Variants in ADGRD2 observed in about 807,000 individuals in gnomAD.
ADGRD2 encodes the protein adhesion G protein-coupled receptor D2.
A neutral mutation model predicts 44.4 loss-of-function variants in ADGRD2; 71 were observed. The ratio of observed to expected loss-of-function variants is 1.60; its 90% CI spans 1.32 to 1.95. The LOEUF is 1.95. Among genes scored for constraint, ADGRD2 ranks in the 30% most tolerant of loss-of-function variants. The pLI is 0.00. For missense variants in ADGRD2, 1,039 were observed against 512.4 expected, an observed-to-expected ratio of 2.03 and a Z score of -9.92; for synonymous variants, 481 against 224.8, an observed-to-expected ratio of 2.14 and a Z score of -10.19.
chr9:124,455,522 G>A (rs1485443642), intron 6 of ADGRD2, among the ~76,000 whole-genome samples: 4 of 151,978 alleles, frequency 2.6e-5, no homozygotes, highest in African/African-American at 7.3e-5. Flanking sequence ...CCCAGGGGGC[G>A]GAGGTTGCAG....
intron 10 of ADGRD2, among the ~76,000 whole-genome samples, chr9:124,459,310 G>A (rs369642403): frequency 3.9e-5 from 6 of 152,220 alleles, no homozygotes; most frequent in African/African-American, 1.4e-4. Context: ...TGGTCAACAT[G>A]GTGAAACCCC....
chr9:124,466,140 G>A, intron 10 of ADGRD2, 118 bp from the exon 14 acceptor site: 1 of 468,234 alleles, frequency 2.1e-6, no homozygotes, highest in Admixed American at 3.8e-5. Flanking sequence ...AAGGGGCGGT[G>A]ACTCGCCAAG....
chr9:124,469,470 C>T (rs1425721403), exon 16 of ADGRD2: 3 of 718,008 alleles, frequency 4.2e-6, no homozygotes, highest in South Asian at 1.5e-5. Flanking sequence ...TAATGATCAC[C>T]GTGTCCAGTG....
upstream of ADGRD2, chr9:124,451,112 T>A (rs991513393): frequency 8.5e-6 from 4 of 472,122 alleles, no homozygotes; most frequent in African/African-American, 8.0e-5. Flanking sequence ...AGGGATGGCA[T>A]GGTCACAGGT....
intron 10 of ADGRD2, among the ~76,000 whole-genome samples, chr9:124,464,182 A>G (rs1831771027): frequency 6.6e-6 from 1 of 152,036 alleles, no homozygotes; most frequent in Non-Finnish European, 1.5e-5. Flanking sequence ...ATAATTTAAA[A>G]TACATTAAAA....
At position 124,454,445 on chromosome 9, in the gene ADGRD2, T is replaced by G. The variant is rs747138693; in HGVS notation, c.1023-39T>G. ...ACAGGCTGGCATCTCTGGGCAGGGG[T>G]ATTGCCCGGGGCCTAGCCTGGCATC... is the stretch of plus-strand genomic sequence containing the variant. On this transcript the variant is annotated intron_variant, in intron 4 of 21. Coordinates refer to ENST00000334810, the Ensembl canonical transcript of ADGRD2. The surrounding 1 kb of genome is among the most constrained non-coding windows in gnomAD (Gnocchi z 4.5). 8 of 693,316 alleles carry G rather than the reference T, an allele frequency of 1.2e-5. No homozygotes were observed. 42.9% of individuals were successfully genotyped at this position (693,316 alleles called of 1,614,324 possible). A position where few individuals can be genotyped will look rare whatever the true frequency, so the allele number is the denominator to read the frequency against.
chr9:124,461,637 T>C (rs1478759798), intron 10 of ADGRD2, among the ~76,000 whole-genome samples: 1 of 152,224 alleles, frequency 6.6e-6, no homozygotes, highest in African/African-American at 2.4e-5. Context: ...TAGTGATTTA[T>C]ATGCCTATCC....
exon 2 of ADGRD2, chr9:124,452,520 C>T (rs1195520383): frequency 8.4e-6 from 6 of 718,436 alleles, no homozygotes; most frequent in East Asian, 2.7e-5. Context: ...CCCCCGTGGC[C>T]GCCGGCGAGG....
chr9:124,468,348 GCCCTGGGAGGAAAGGC>G (rs1189437097), intron 13 of ADGRD2, among the ~76,000 whole-genome samples, 155 bp from the exon 17 acceptor site: 4 of 152,206 alleles, frequency 2.6e-5, no homozygotes, highest in Non-Finnish European at 5.9e-5. Context: ...GGAGGAAAGG[GCCCTGGGAGGAAAGGC>G]CCCGAATGGT....
Position 124,453,574 on chromosome 9 carries a change from T to A in ADGRD2, c.823T>A (p.Cys275Ser), listed in dbSNP as rs1831548605. 3 of 699,414 alleles carry A rather than the reference T, an allele frequency of 4.3e-6. No individual in the cohort carries two copies. In the South Asian group the frequency reaches 4.5e-5, roughly 10 times the overall value. 43.3% of individuals were successfully genotyped at this position (699,414 alleles called of 1,614,324 possible). A position where few individuals can be genotyped will look rare whatever the true frequency, so the allele number is the denominator to read the frequency against. ...CGCTCAGCTGCACCGGGCACGGGCC[T>A]GCGCGCCGCCCTCAGAGGGCCTGCT... Residue 275 changes from cysteine to serine, a missense_variant, in exon 3 of 22, where the codon TGC becomes AGC. Physicochemically the swap from Cys to Ser is moderately radical, Grantham distance 112 (BLOSUM62 -1). Transcript: ENST00000334810.
At chr9:124,465,020 G>A (rs1407123716) in intron 10 of ADGRD2, among the ~76,000 whole-genome samples, 1 of 152,154 alleles carries the variant, frequency 6.6e-6, no homozygotes, top group Non-Finnish European at 1.5e-5. Context: ...GCTCCCCGGT[G>A]ATGGCTGCTT....
At chr9:124,452,061 C>T (rs1397752197), upstream of ADGRD2, 1 of 455,108 alleles carries the variant, frequency 2.2e-6, no homozygotes, top group East Asian at 7.4e-5. Context: ...GAGGGTTGTC[C>T]CAGCCCCCAC....
At chr9:124,475,251 G>C (rs1356417295) in intron 17 of ADGRD2, among the ~76,000 whole-genome samples, 195 bp from the exon 21 acceptor site, 1 of 152,246 alleles carries the variant, frequency 6.6e-6, no homozygotes, top group Admixed American at 6.5e-5. Context: ...CTGGTCCCCT[G>C]GCCTGCTAAA....
intron 17 of ADGRD2, among the ~76,000 whole-genome samples, chr9:124,473,267 C>T (rs979424599): frequency 6.6e-6 from 1 of 152,242 alleles, no homozygotes; most frequent in Non-Finnish European, 1.5e-5. Context: ...CTCATTCACT[C>T]TCTAGGAGTA....
intron 2 of ADGRD2, 114 bp from the exon 6 acceptor site, chr9:124,452,921 G>C (rs1208489364): frequency 3.3e-6 from 2 of 604,082 alleles, no homozygotes; most frequent in African/African-American, 1.9e-5. Flanking sequence ...CCTCCTTCCC[G>C]AGGTGGGGAG....
At chr9:124,463,750 C>T (rs1831761149) in intron 10 of ADGRD2, among the ~76,000 whole-genome samples, 1 of 152,188 alleles carries the variant, frequency 6.6e-6, no homozygotes, top group Admixed American at 6.6e-5. Context: ...ATTTCCTTTT[C>T]ACATCTGTAG....
At position 124,476,769 on chromosome 9, in the gene ADGRD2, C is replaced by T; in HGVS notation, c.*18+60C>T. On this transcript the variant is annotated intron_variant, in intron 21 of 21. Coordinates refer to ENST00000334810, the Ensembl canonical transcript of ADGRD2. ...TTTTTGGGCCTGGACACCCCCTAAG[C>T]CCCCCGTACCAGGATGGAAGTGATT... 3 of 677,676 alleles carry T rather than the reference C, an allele frequency of 4.4e-6. No individual in the cohort carries two copies. In the South Asian group the frequency reaches 4.7e-5, roughly 11 times the overall value. The allele number at this position is 677,676 out of a possible 1,614,324, so 42.0% of individuals were successfully genotyped here. A position where few individuals can be genotyped will look rare whatever the true frequency, so the allele number is the denominator to read the frequency against.
chr9:124,460,825 G>T (rs1352567379), intron 10 of ADGRD2, among the ~76,000 whole-genome samples: 1 of 152,106 alleles, frequency 6.6e-6, no homozygotes, highest in Non-Finnish European at 1.5e-5. Flanking sequence ...ATTCCTGAAA[G>T]TAGACTTGCT....
intron 14 of ADGRD2, 27 bp from the exon 18 acceptor site, chr9:124,469,195 C>T (rs1354777678): frequency 7.2e-6 from 5 of 698,848 alleles, no homozygotes; most frequent in East Asian, 5.4e-5. Flanking sequence ...GTGACCCAGC[C>T]TTGAGGCCCC....
Sources: gnomAD v4.1 joint callset for allele counts (sites outside exome capture counted in the v4.1 genomes callset) on GRCh38, gnomAD v4.1.1 for gene constraint, Gnocchi (gnomAD v3.1) non-coding constraint, MANE v1.5 for transcripts, NCBI Gene and HGNC (gene_info 2026-07-23, HGNC 2026-07-21) for gene names.